The following NOS2 variants were observed in gnomAD, a reference collection of about 807,000 sequenced individuals.
The protein encoded by NOS2 is nitric oxide synthase, inducible.
A neutral mutation model predicts 136.0 loss-of-function variants in NOS2; 96 were observed. The observed-to-expected ratio is 0.71, with a 90% CI of 0.60 to 0.84. The LOEUF (loss-of-function observed/expected upper bound fraction) is 0.84, where lower values mean the gene tolerates loss of function less well. Among genes scored for constraint, NOS2 ranks in the 40% least tolerant of loss-of-function variants. The pLI is 0.00. For missense variants in NOS2, 1,237 were observed against 1,496.9 expected (o/e 0.83, Z 2.87); for synonymous variants, 539 against 587.5 (o/e 0.92, Z 1.20).
At chr17:27,794,678 T>C (rs1567643936) in intron 2 of NOS2, among the ~76,000 whole-genome samples, 1 of 151,358 alleles carries the variant, frequency 6.6e-6, no homozygotes, top group Non-Finnish European at 1.5e-5. Context: ...CATTTGCCTT[T>C]GTCCCTAAAA....
chr17:27,762,309 C>T (rs1166756791), intron 22 of NOS2, among the ~76,000 whole-genome samples: 1 of 152,224 alleles, frequency 6.6e-6, no homozygotes, highest in African/African-American at 2.4e-5. Context: ...GTGCCAGGCA[C>T]CCACTGAATA....
intron 20 of NOS2, 31 bp downstream of exon 20, chr17:27,765,504 G>C: frequency 6.4e-7 from 1 of 1,555,864 alleles, no homozygotes. Context: ...GAGGGTGCCA[G>C]GCAGCACTGG....
chr17:27,769,929 G>A (rs1222135254), intron 15 of NOS2, among the ~76,000 whole-genome samples: 7 of 152,158 alleles, frequency 4.6e-5, no homozygotes, highest in East Asian at 1.9e-4. Flanking sequence ...TTTGGAACCC[G>A]GTAGAAGCAA....
At chr17:27,787,891 C>T in intron 4 of NOS2, 65 bp from the exon 5 acceptor site, 2 of 1,524,414 alleles carry the variant, frequency 1.3e-6, no homozygotes, top group Admixed American at 2.0e-5. Flanking sequence ...CCTCTGGGGC[C>T]AGCTCTCCTG....
Position 27,769,719 on chromosome 17 carries a change from G to T in NOS2, c.1810-135C>A, listed in dbSNP as rs1189778884. 9.6e-6 allele frequency: 7 copies of T among 729,398 alleles called. No homozygotes were observed. In the Admixed American group the frequency reaches 1.5e-4, roughly 15 times the overall value. 45.2% of individuals were successfully genotyped at this position (729,398 alleles called of 1,614,324 possible). A position where few individuals can be genotyped will look rare whatever the true frequency, so the allele number is the denominator to read the frequency against. On this transcript the variant is annotated intron_variant, in intron 15 of 26. Transcript: ENST00000313735. ...ACCACGGAAGTTGGTTTACATATGG[G>T]GCTACCTGGCCAAGGACCTGGTTGT...
Position 27,756,823 on chromosome 17 carries a change from A to G in NOS2, c.*423T>C, listed in dbSNP as rs1907939231. On this transcript the variant is annotated 3_prime_UTR_variant, in exon 27 of 27. Transcript: ENST00000313735. The stretch of plus-strand genomic sequence containing the variant: ...ATCTCCATCAAGGAATCATACAGGG[A>G]AGACCCAAGTGGCCATGGGGAACAG... 3 of 168,672 alleles carry G rather than the reference A, an allele frequency of 1.8e-5. No individual in the cohort carries two copies. Among genetic ancestry groups the G allele is most frequent in the South Asian group, 1.9e-4 (1 of 5,276 alleles). 10.4% of individuals were successfully genotyped at this position (168,672 alleles called of 1,614,324 possible). A position where few individuals can be genotyped will look rare whatever the true frequency, so the allele number is the denominator to read the frequency against.
chr17:27,766,818 G>A (rs1908317444), intron 18 of NOS2, among the ~76,000 whole-genome samples: 1 of 152,064 alleles, frequency 6.6e-6, no homozygotes, highest in Admixed American at 6.6e-5. Flanking sequence ...AGGCCGCGGT[G>A]GGTGGATTAC....
chr17:27,770,734 T>G (rs539895211), intron 15 of NOS2, among the ~76,000 whole-genome samples, 179 bp downstream of exon 15: 42 of 152,266 alleles, frequency 2.8e-4, no homozygotes, highest in African/African-American at 1.0e-3. Context: ...ATAGGAAAGG[T>G]GGCACTCCCA....
rs1908353346 is a variant in NOS2 at position 27,767,779 on chromosome 17, T to C, written c.2093A>G (p.Tyr698Cys). The part of the protein sequence containing the change: ...GKQHIQIPKL[Y>C]TSNVTWDPHH... ...CGGGTCCCAGGTCACATTGGAGGTGTAGAGCTTGGGGATCTGAATGTGCTG... is the reference window on the plus strand; with the variant it reads ...CGGGTCCCAGGTCACATTGGAGGTGCAGAGCTTGGGGATCTGAATGTGCTG... The change falls in exon 18 of 27, where the codon TAC becomes TGC. Residue 698 changes from tyrosine (Y) to cysteine (C), a missense_variant. Tyr to Cys is a radical substitution (Grantham distance 194). Around this residue, in one of 3 missense-constraint regions of NOS2, gnomAD observed 782 missense variants for 909.9 expected, o/e 0.86. Coordinates refer to ENST00000313735, the MANE Select transcript of NOS2 (RefSeq NM_000625.4). 2 of 1,612,902 alleles carry C rather than the reference T, an allele frequency of 1.2e-6. No individual in the cohort carries two copies. The highest frequency in any genetic ancestry group is 1.7e-6 in the Non-Finnish European group (2 of 1,180,008).
At position 27,798,812 on chromosome 17, in the gene NOS2, C is replaced by G; in HGVS notation, c.-3G>C. The G allele has an allele frequency of 1.9e-6, 3 of 1,582,494 alleles. No homozygotes were observed. Among genetic ancestry groups the G allele is most frequent in the Non-Finnish European group, 2.6e-6 (3 of 1,151,060 alleles). ...AGAAATTTCCAAGGACAGGCCATCT[C>G]TATGGCTTTACAAAGCAGGTCACTT... On this transcript the variant is annotated 5_prime_UTR_variant, in exon 2 of 27. Coordinates refer to ENST00000313735, the MANE Select transcript of NOS2 (RefSeq NM_000625.4).
In NOS2 at chr17:27,760,011, G is replaced by C. The variant is rs201769532; in HGVS notation, c.3159+19C>G. ...AGCTTGTGTGTGTAATGCTTCACCT[G>C]CTTTGAGGCTGCATTTACCTTGGGC... On this transcript the variant is annotated intron_variant, in intron 25 of 26. Transcript: ENST00000313735. 7.8e-5 allele frequency: 117 copies of C among 1,503,512 alleles called. No individual in the cohort carries two copies. The African/African-American group carries it at 1.6e-3, about 20-fold the overall frequency. 93.1% of individuals were successfully genotyped at this position (1,503,512 alleles called of 1,614,324 possible).
Position 27,769,668 on chromosome 17 carries a change from A to AG in NOS2, c.1810-85dup, listed in dbSNP as rs1400099093. The AG allele has an allele frequency of 3.3e-6, 4 of 1,199,114 alleles. No individual in the cohort carries two copies. The African/African-American group carries it at 6.0e-5, about 18-fold the overall frequency. The allele number at this position is 1,199,114 out of a possible 1,614,324, so 74.3% of individuals were successfully genotyped here. On this transcript the variant is annotated intron_variant, in intron 15 of 26. Coordinates refer to ENST00000313735, the MANE Select transcript of NOS2 (RefSeq NM_000625.4). ...TCCTTTCTTCTGGAAACCTGGCCAC[A>AG]GCTTGCAGGAGAAGGCTCACAGCCC...
At position 27,772,318 on chromosome 17, in the gene NOS2, A is replaced by G; in HGVS notation, c.1694T>C (p.Phe565Ser). Residue 565 changes from phenylalanine (F) to serine (S), a missense_variant, in exon 14 of 27, where the codon TTC becomes TCC. Around this residue, in one of 3 missense-constraint regions of NOS2, gnomAD observed 782 missense variants for 909.9 expected, o/e 0.86. Transcript: ENST00000313735. ...WDLGALFSCA[F>S]NPKVVCMDKY... ...CCACTGAGCCAGTACCTTGGGGTTGAAGGCACAGCTGAATAAGGCCCCCAG... is the reference window on the plus strand; with the variant it reads ...CCACTGAGCCAGTACCTTGGGGTTGGAGGCACAGCTGAATAAGGCCCCCAG... 1 of 1,614,152 alleles carries G rather than the reference A, an allele frequency of 6.2e-7. No individual in the cohort carries two copies. Among genetic ancestry groups the G allele is most frequent in the Admixed American group, 1.7e-5 (1 of 60,030 alleles).
chr17:27,781,253 C>G, intron 7 of NOS2, 76 bp from the exon 8 acceptor site: 1 of 1,470,864 alleles, frequency 6.8e-7, no homozygotes, highest in East Asian at 2.3e-5. Flanking sequence ...GGCCCTACCT[C>G]CCTCTCCACC....
chr17:27,769,302 C>G, intron 16 of NOS2, 151 bp from the exon 17 acceptor site: 1 of 849,930 alleles, frequency 1.2e-6, no homozygotes, highest in South Asian at 1.8e-5. Context: ...CTCCATCCCC[C>G]AGCCTTGTCA....
Position 27,766,603 on chromosome 17 carries a change from G to A in NOS2, c.2168-15C>T. On this transcript the variant is annotated splice_polypyrimidine_tract_variant and intron_variant, in intron 18 of 26. Transcript: ENST00000313735. ...GCTGCTGAGGGCTGTGGAGGACACA[G>A]AGACGGTGAAATGGCAAAGTGGTTC... The A allele has an allele frequency of 6.2e-7, 1 of 1,611,442 alleles. No homozygotes were observed. The highest frequency in any genetic ancestry group is 8.5e-7 in the Non-Finnish European group (1 of 1,177,534).
At chr17:27,779,313 TTATTATTA>T (rs1164981071) in intron 9 of NOS2, among the ~76,000 whole-genome samples, 1 of 147,648 alleles carries the variant, frequency 6.8e-6, no homozygotes, top group Non-Finnish European at 1.5e-5. Context: ...ATTATTATTA[TTATTATTA>T]TTATTATTTT....
intron 11 of NOS2, among the ~76,000 whole-genome samples, chr17:27,776,415 G>A (rs530129248): frequency 6.6e-5 from 10 of 152,246 alleles, no homozygotes; most frequent in Admixed American, 3.9e-4. Context: ...GCTCACACCT[G>A]TAATCCCAGC....
intron 2 of NOS2, among the ~76,000 whole-genome samples, chr17:27,790,780 G>A (rs1019866714): frequency 1.3e-5 from 2 of 152,158 alleles, no homozygotes; most frequent in South Asian, 2.1e-4. Context: ...TCTGAAACCG[G>A]TCAGAAACCG....
Sources: allele counts gnomAD v4.1 joint callset (sites outside exome capture counted in the v4.1 genomes callset), GRCh38; gene constraint gnomAD v4.1.1; regional missense constraint gnomAD v4.1.1; transcripts MANE v1.5; gene names NCBI Gene and HGNC (gene_info 2026-07-23, HGNC 2026-07-21).